SAMD4B: variants seen among roughly 807,000 people sequenced by gnomAD.
The protein encoded by SAMD4B is protein Smaug homolog 2.
SAMD4B carries 5 observed loss-of-function variants against 74.5 expected under a neutral mutation model. The ratio of observed to expected loss-of-function variants is 0.07; its 90% confidence interval spans 0.04 to 0.14. The LOEUF is 0.14. Among genes scored for constraint, SAMD4B ranks in the 10% least tolerant of loss-of-function variants. The probability of loss-of-function intolerance (pLI) is 1.00; values close to 1 mark genes in which losing one functional copy is unlikely to be tolerated. For missense variants in SAMD4B, 608 were observed against 921.8 expected, an observed-to-expected ratio of 0.66 and a Z score of 4.41; for synonymous variants, 373 against 374.9, an observed-to-expected ratio of 1.00 and a Z score of 0.06.
chr19:39,382,379 C>A (rs998329294), intron 12 of SAMD4B, among the ~76,000 whole-genome samples: 5 of 152,140 alleles, frequency 3.3e-5, no homozygotes, highest in Admixed American at 3.3e-4. Context: ...TGTGTAAGGA[C>A]GCTGATGTTA....
At position 39,378,651 on chromosome 19, in the gene SAMD4B, G is replaced by A; in HGVS notation, c.1530+62G>A. 6.9e-7 allele frequency: 1 copy of A among 1,456,796 alleles called. No individual in the cohort carries two copies. The allele number at this position is 1,456,796 out of a possible 1,614,324, so 90.2% of individuals were successfully genotyped here. ...CGGCCAGGCGTGGTGGTTCACGCCT[G>A]TAGTCCCAGCACTTCGGCCACCGAG... On this transcript the variant is annotated intron_variant, in intron 9 of 13. Coordinates refer to ENST00000610417, the MANE Select transcript of SAMD4B (RefSeq NM_001384574.2). This position sits in a 1 kb window ranked among gnomAD's most constrained non-coding sequence, Gnocchi z 4.4.
chr19:39,389,969 G>A (rs577472103), downstream of SAMD4B: 2 of 1,084,320 alleles, frequency 1.8e-6, no homozygotes, highest in Admixed American at 1.7e-5. This position sits in a 1 kb window ranked among gnomAD's most constrained non-coding sequence, Gnocchi z 5.3. Flanking sequence ...GCTAGGGTAG[G>A]TACTGTGCTA....
chr19:39,372,674 G>A lies in SAMD4B; in HGVS notation c.667+2549G>A, dbSNP rs575886218. On this transcript the variant is annotated intron_variant, in intron 4 of 13. Coordinates refer to ENST00000610417, the MANE Select transcript of SAMD4B (RefSeq NM_001384574.2). ...CTGTGGCCAGCCTCCACCCCAGTGC[G>A]GAGCCAAGCAGGGCTCCTCAGGAAC... 3.4e-4 allele frequency among the ~76,000 whole-genome samples: 52 copies of A among 152,206 alleles called. 3 individuals are homozygous for A. In the South Asian group the frequency reaches 0.011, roughly 31 times the overall value.
At chr19:39,362,138 C>G (rs867790774) in intron 3 of SAMD4B, among the ~76,000 whole-genome samples, 4 of 152,182 alleles carry the variant, frequency 2.6e-5, no homozygotes, top group African/African-American at 7.2e-5. Flanking sequence ...TCAGATAGAT[C>G]AGGTAGCACA....
At chr19:39,385,810 A>C, downstream of SAMD4B, 1 of 863,632 alleles carries the variant, frequency 1.2e-6, no homozygotes, top group Non-Finnish European at 1.7e-6. Flanking sequence ...TGCGGGAGGT[A>C]TGTGCTGGGC....
chr19:39,387,808 C>T (rs919367527), downstream of SAMD4B, among the ~76,000 whole-genome samples: 1 of 152,212 alleles, frequency 6.6e-6, no homozygotes, highest in East Asian at 1.9e-4. Context: ...AAACTTGGCC[C>T]TCTGCCTTGC....
chr19:39,372,084 C>A (rs2077341678), intron 4 of SAMD4B, among the ~76,000 whole-genome samples: 1 of 152,098 alleles, frequency 6.6e-6, no homozygotes. Flanking sequence ...GGTACCCCAG[C>A]AGCCATTAAA....
At position 39,376,510 on chromosome 19, in the gene SAMD4B, G is replaced by C; in HGVS notation, c.981G>C (p.Glu327Asp). ...TCTTCTCACAGATGAGCTACGAGGA[G>C]ATGATGACACTGACTGAGCAGCACC... Reference protein sequence around the residue: ...AALFSQMSYEEMMTLTEQHLE... With the variant: ...AALFSQMSYEDMMTLTEQHLE... Residue 327 changes from glutamate (E) to aspartate (D), a missense_variant, in exon 6 of 14, where the codon GAG (glutamate) becomes GAC (aspartate). Coordinates refer to ENST00000610417, the MANE Select transcript of SAMD4B (RefSeq NM_001384574.2). 6.2e-7 allele frequency: 1 copy of C among 1,613,684 alleles called. No homozygotes were observed. Among genetic ancestry groups the C allele is most frequent in the Non-Finnish European group, 8.5e-7 (1 of 1,180,030 alleles).
chr19:39,348,090 C>G (rs1017984808), intron 1 of SAMD4B, among the ~76,000 whole-genome samples: 3 of 152,028 alleles, frequency 2.0e-5, no homozygotes, highest in Admixed American at 6.6e-5. Flanking sequence ...TGAGAAGGCA[C>G]CAGTTGTGGG....
rs1314373222 is a variant in SAMD4B, at chr19:39,375,656, C to G, written c.674C>G (p.Pro225Arg). 1 of 1,601,404 alleles carries G rather than the reference C, an allele frequency of 6.2e-7. No homozygotes were observed. The highest frequency in any genetic ancestry group is 8.6e-7 in the Non-Finnish European group (1 of 1,169,474). The stretch of plus-strand genomic sequence containing the variant: ...TTTCTCCCACTCTGGCCAGGTCTCC[C>G]CTGCCAAATCCACCCTAGCCCACTG... Reference protein sequence around the residue: ...SIGSNANTGLPCQIHPSPLKR... With the variant: ...SIGSNANTGLRCQIHPSPLKR... Residue 225 changes from proline (P) to arginine (R), a missense_variant, in exon 5 of 14, where the codon CCC becomes CGC. By Grantham distance (103) the Pro-to-Arg change is moderately radical. This residue lies in a region of SAMD4B where 153 missense variants were observed against 153.0 expected (regional missense o/e 1.00). Coordinates refer to ENST00000610417, the MANE Select transcript of SAMD4B (RefSeq NM_001384574.2). This position sits in a 1 kb window ranked among gnomAD's most constrained non-coding sequence, Gnocchi z 4.1.
chr19:39,386,640 C>T (rs2078257104), downstream of SAMD4B: 3 of 1,600,870 alleles, frequency 1.9e-6, no homozygotes, highest in Non-Finnish European at 2.6e-6. This position sits in a 1 kb window ranked among gnomAD's most constrained non-coding sequence, Gnocchi z 6.1. Context: ...CCCTCCTCAC[C>T]TACAACCACC....
At position 39,377,610 on chromosome 19, in the gene SAMD4B, C is replaced by T; in HGVS notation, c.1230C>T (p.Ala410=). Residue 410 remains alanine (A), a synonymous_variant, in exon 8 of 14, where the codon GCC becomes GCT. Transcript: ENST00000610417. ...TVAAATTTPT[A]KDGAPGEPPL... The stretch of plus-strand genomic sequence containing the variant: ...CTGCCGCCACCACCACCCCTACTGC[C>T]AAGGATGGGGCCCCGGGGGAACCAC... 1 of 1,614,132 alleles carries T rather than the reference C, an allele frequency of 6.2e-7. No homozygotes were observed. Among genetic ancestry groups the T allele is most frequent in the East Asian group, 2.2e-5 (1 of 44,886 alleles).
chr19:39,386,607 G>A, downstream of SAMD4B: 3 of 1,611,208 alleles, frequency 1.9e-6, no homozygotes, highest in Non-Finnish European at 2.5e-6. This position sits in a 1 kb window ranked among gnomAD's most constrained non-coding sequence, Gnocchi z 6.1. Context: ...GGGGAAGGAG[G>A]GTGTTCTGCT....
chr19:39,343,773 C>T (rs927929335), intron 1 of SAMD4B, among the ~76,000 whole-genome samples: 1 of 151,918 alleles, frequency 6.6e-6, no homozygotes, highest in African/African-American at 2.4e-5. Context: ...TTTCCAGTCC[C>T]CCACATCACA....
At position 39,381,000 on chromosome 19, in the gene SAMD4B, T is replaced by C. The variant is rs2077945987; in HGVS notation, c.1859T>C (p.Phe620Ser). ...CTGGGACCTGTGTAGAACCTGTGGTTTGCCAACCCTGGAGGCAGCAACAGC... is the reference window on the plus strand; with the variant it reads ...CTGGGACCTGTGTAGAACCTGTGGTCTGCCAACCCTGGAGGCAGCAACAGC... ...LGGQGRQNLWFANPGGSNSMP... is the reference protein window; with the variant it reads ...LGGQGRQNLWSANPGGSNSMP... The change falls in exon 12 of 14, where the codon TTT becomes TCT. Residue 620 changes from phenylalanine (F) to serine (S), a missense_variant. By Grantham distance (155) the Phe-to-Ser change is radical. Around this residue, in one of 9 missense-constraint regions of SAMD4B, gnomAD observed 167 missense variants for 193.0 expected, o/e 0.87. Coordinates refer to ENST00000610417, the MANE Select transcript of SAMD4B (RefSeq NM_001384574.2). 6.2e-7 allele frequency: 1 copy of C among 1,610,110 alleles called. No homozygotes were observed. The highest frequency in any genetic ancestry group is 1.3e-5 in the African/African-American group (1 of 74,788).
intron 3 of SAMD4B, among the ~76,000 whole-genome samples, chr19:39,366,971 G>C (rs1202766858): frequency 1.3e-5 from 2 of 152,200 alleles, no homozygotes; most frequent in Non-Finnish European, 2.9e-5. Context: ...GACACAGTGA[G>C]ATATAATAAC....
chr19:39,371,957 A>G (rs535410897), intron 4 of SAMD4B, among the ~76,000 whole-genome samples: 2 of 152,084 alleles, frequency 1.3e-5, no homozygotes, highest in Non-Finnish European at 2.9e-5. Context: ...ATGCTACACT[A>G]CCTCCACCAA....
rs150203981 is a variant in SAMD4B at position 39,381,082 on chromosome 19, G to A, written c.1941G>A (p.Ser647=). 124 of 1,612,430 alleles carry A rather than the reference G, an allele frequency of 7.7e-5. No homozygotes were observed. In the East Asian group the frequency reaches 1.9e-3, roughly 25 times the overall value. ...VQRTHSLPVH[S]SPQAILMFPP... The stretch of plus-strand genomic sequence containing the variant: ...GCACCCACTCGCTCCCGGTCCACTC[G>A]TCACCCCAGGCCATTCTCATGTTCC... Residue 647 remains serine (S), a synonymous_variant, in exon 12 of 14, where the codon TCG becomes TCA. Transcript: ENST00000610417.
intron 4 of SAMD4B, among the ~76,000 whole-genome samples, chr19:39,373,830 G>C (rs997752597): frequency 6.6e-6 from 1 of 151,970 alleles, no homozygotes; most frequent in Non-Finnish European, 1.5e-5. Context: ...CAGGCGTGGT[G>C]GTGGGTGCCT....
Sources: gnomAD v4.1 joint callset for allele counts (sites outside exome capture counted in the v4.1 genomes callset) on GRCh38, gnomAD v4.1.1 for gene constraint, gnomAD v4.1.1 regional missense constraint, Gnocchi (gnomAD v3.1) non-coding constraint, MANE v1.5 for transcripts, NCBI Gene and HGNC (gene_info 2026-07-23, HGNC 2026-07-21) for gene names.